Variants in CEP192 observed in about 807,000 individuals in gnomAD.
CEP192 encodes centrosomal protein of 192 kDa.
In CEP192, 151 loss-of-function variants were observed where a neutral mutation model predicts 271.8. That is an observed-to-expected ratio of 0.56 (90% CI 0.49 to 0.64). CEP192 has a LOEUF of 0.64. Ranked by LOEUF, CEP192 falls within the 30% of genes least tolerant of loss-of-function variation. The probability of loss-of-function intolerance (pLI) is 0.00; values close to 1 mark genes in which losing one functional copy is unlikely to be tolerated. For missense variants in CEP192, 2,910 were observed against 3,020.5 expected (o/e 0.96, Z 0.86); for synonymous variants, 995 against 1,076.5 (o/e 0.92, Z 1.48).
rs978757786 is a variant in CEP192 at position 13,103,891 on chromosome 18, C to T, written c.6951+303C>T. On this transcript the variant is annotated intron_variant, in intron 39 of 44. Coordinates refer to ENST00000506447, the MANE Select transcript of CEP192 (RefSeq NM_032142.4). ...TTTTTGTAGAGATGGAGCCTCACCA[C>T]ACTGCCCAGGCTGGTCTCGATCTCC... 24 of 474,194 alleles carry T rather than the reference C, an allele frequency of 5.1e-5. No homozygotes were observed. The Admixed American group carries it at 5.6e-4, about 11-fold the overall frequency. The allele number at this position is 474,194 out of a possible 1,614,324, so 29.4% of individuals were successfully genotyped here.
At chr18:13,038,247 TGTCTAG>T in intron 12 of CEP192, 117 bp from the exon 13 acceptor site, 1 of 742,970 alleles carries the variant, frequency 1.3e-6, no homozygotes. Context: ...ATTTTTTTTT[TGTCTAG>T]TTTTTCAAAA....
intron 30 of CEP192, among the ~76,000 whole-genome samples, chr18:13,085,095 G>C (rs972527646): frequency 2.0e-5 from 3 of 151,970 alleles, no homozygotes; most frequent in Non-Finnish European, 4.4e-5. Context: ...AAAGTGCTGG[G>C]ATTACAGGTG....
At chr18:13,029,004 C>T (rs1186179639) in intron 9 of CEP192, among the ~76,000 whole-genome samples, 3 of 152,196 alleles carry the variant, frequency 2.0e-5, no homozygotes, top group Non-Finnish European at 4.4e-5. Flanking sequence ...CTTACTATAG[C>T]AGAAAGGACT....
At chr18:13,100,184 A>C in intron 37 of CEP192, 121 bp from the exon 38 acceptor site, 1 of 680,644 alleles carries the variant, frequency 1.5e-6, no homozygotes, top group Middle Eastern at 4.0e-4. Context: ...TTTAATTCCT[A>C]AATTTATTGA....
At chr18:13,077,411 A>G (rs2038350049) in intron 30 of CEP192, among the ~76,000 whole-genome samples, 1 of 152,216 alleles carries the variant, frequency 6.6e-6, no homozygotes, top group Non-Finnish European at 1.5e-5. Context: ...TCCCAAATCT[A>G]GAACACCTCT....
Position 13,053,057 on chromosome 18 carries a change from C to G in CEP192, c.3156C>G (p.Thr1052=). The G allele has an allele frequency of 6.2e-7, 1 of 1,612,770 alleles. No homozygotes were observed. Among genetic ancestry groups the G allele is most frequent in the Non-Finnish European group, 8.5e-7 (1 of 1,179,274 alleles). ...CTGAACCAGAGAGCTCCTATCCTAC[C>G]ACAGCCACAGATGATGCCCTGGAGG... ...YVSEPESSYP[T]TATDDALEDR... is the part of the protein sequence containing the mutation. Residue 1052 remains threonine (T), a synonymous_variant, in exon 18 of 45, where the codon ACC becomes ACG. Coordinates refer to ENST00000506447, the MANE Select transcript of CEP192 (RefSeq NM_032142.4).
At chr18:13,068,023 T>A (rs1267139323) in intron 22 of CEP192, 67 bp downstream of exon 22, 11 of 1,602,456 alleles carry the variant, frequency 6.9e-6, no homozygotes, top group Middle Eastern at 1.7e-4. Flanking sequence ...TACATTTTTT[T>A]AAGGATTTTG....
intron 15 of CEP192, among the ~76,000 whole-genome samples, chr18:13,044,122 G>A (rs2036352903): frequency 6.6e-6 from 1 of 151,896 alleles, no homozygotes; most frequent in African/African-American, 2.4e-5. Context: ...TGTTTGTTTT[G>A]GCTAAACAAA....
chr18:13,026,703 C>T (rs987019744), intron 9 of CEP192, among the ~76,000 whole-genome samples: 10 of 152,190 alleles, frequency 6.6e-5, no homozygotes, highest in African/African-American at 2.4e-4. Context: ...TCACGTGTTA[C>T]AGTTTTTGAC....
rs554262094 is a variant in CEP192 at position 13,069,040 on chromosome 18, T to G, written c.4962+49T>G. 5 of 1,614,122 alleles carry G rather than the reference T, an allele frequency of 3.1e-6. No homozygotes were observed. The East Asian group carries it at 8.9e-5, about 29-fold the overall frequency. On this transcript the variant is annotated intron_variant, in intron 25 of 44. Coordinates refer to ENST00000506447, the MANE Select transcript of CEP192 (RefSeq NM_032142.4). ...CGTTACTGCTTTCATTCATGCTGAT[T>G]TCACTTTGTGACAGTTCGTTGAAAT...
At chr18:13,082,171 T>C (rs2038645942) in intron 30 of CEP192, among the ~76,000 whole-genome samples, 1 of 152,212 alleles carries the variant, frequency 6.6e-6, no homozygotes, top group Non-Finnish European at 1.5e-5. Flanking sequence ...GTTAACCTTC[T>C]GCCTTGTTGA....
intron 3 of CEP192, among the ~76,000 whole-genome samples, chr18:13,002,038 T>G (rs2033679687): frequency 6.6e-6 from 1 of 152,246 alleles, no homozygotes; most frequent in African/African-American, 2.4e-5. Flanking sequence ...TTTATGCATT[T>G]TAATCACGTT....
intron 14 of CEP192, among the ~76,000 whole-genome samples, chr18:13,041,655 T>G (rs2143815749): frequency 6.7e-6 from 1 of 148,430 alleles, no homozygotes; most frequent in South Asian, 2.3e-4. Context: ...AATCTCCACC[T>G]CCTGGGTCAA....
Position 13,083,644 on chromosome 18 carries a change from A to G in CEP192, c.5617-3373A>G, listed in dbSNP as rs141801423. Among the ~76,000 whole-genome samples, 1,007 of 152,276 alleles carry G rather than the reference A, an allele frequency of 6.6e-3. 22 individuals carry two copies. The highest frequency in any genetic ancestry group is 0.022 in the African/African-American group (928 of 41,546). ...AGCTCATCAAAGTCATTGTCCATGCAGCTTTGTTCTGTTGCTGGTGAGGAG... is the reference window on the plus strand; with the variant it reads ...AGCTCATCAAAGTCATTGTCCATGCGGCTTTGTTCTGTTGCTGGTGAGGAG... On this transcript the variant is annotated intron_variant, in intron 30 of 44. Coordinates refer to ENST00000506447, the MANE Select transcript of CEP192 (RefSeq NM_032142.4).
intron 40 of CEP192, among the ~76,000 whole-genome samples, chr18:13,106,576 C>T (rs138965431): frequency 6.6e-6 from 1 of 151,604 alleles, no homozygotes; most frequent in African/African-American, 2.4e-5. Flanking sequence ...CAACCACACC[C>T]CACACAGCTA....
intron 30 of CEP192, among the ~76,000 whole-genome samples, chr18:13,086,533 A>G (rs2144686232): frequency 6.6e-6 from 1 of 152,284 alleles, no homozygotes; most frequent in African/African-American, 2.4e-5. Flanking sequence ...AACCAGTCCC[A>G]GTGAGATGAG....
chr18:13,122,181 T>C (rs2040693880), intron 44 of CEP192, among the ~76,000 whole-genome samples: 1 of 152,082 alleles, frequency 6.6e-6, no homozygotes, highest in African/African-American at 2.4e-5. Flanking sequence ...CCCAGCACTT[T>C]GGGAGGCGGA....
At chr18:13,075,064 C>CT (rs975569727) in intron 30 of CEP192, among the ~76,000 whole-genome samples, 2 of 152,222 alleles carry the variant, frequency 1.3e-5, no homozygotes, top group Non-Finnish European at 2.9e-5. Flanking sequence ...GTATTGGAAA[C>CT]TTACTCTGCA....
At chr18:13,070,100 G>T (rs890381315) in intron 27 of CEP192, among the ~76,000 whole-genome samples, 1 of 152,062 alleles carries the variant, frequency 6.6e-6, no homozygotes, top group African/African-American at 2.4e-5. Context: ...GGCGGAGGTT[G>T]CAGTGAGCCA....
Sources: gnomAD v4.1 joint callset for allele counts (sites outside exome capture counted in the v4.1 genomes callset) on GRCh38, gnomAD v4.1.1 for gene constraint, MANE v1.5 for transcripts, NCBI Gene and HGNC (gene_info 2026-07-23, HGNC 2026-07-21) for gene names.